The following RO60 variants were observed in gnomAD, a reference collection of about 807,000 sequenced individuals.
RO60 encodes the protein Ro60, Y RNA binding protein.
In RO60, 20 loss-of-function variants were observed where a neutral mutation model predicts 55.3. The ratio of observed to expected loss-of-function variants is 0.36; its 90% CI spans 0.25 to 0.53. The LOEUF (loss-of-function observed/expected upper bound fraction) is 0.53. Ranked by LOEUF, RO60 falls within the 20% of genes least tolerant of loss-of-function variation. RO60 has a pLI of 0.92. For synonymous variants in RO60, 213 were observed against 213.6 expected, an observed-to-expected ratio of 1.00 and a Z score of 0.02; for missense variants, 558 against 646.6, an observed-to-expected ratio of 0.86 and a Z score of 1.49.
rs770737374 is a variant in RO60, at chr1:193,076,999, T to C, written c.1035T>C (p.Pro345=). ...HGLRGKLKWR[P]DEEILKALDA... ...TCAGAGGGAAACTGAAGTGGCGCCC[T>C]GATGAAGAAATTTTGAAAGCATTGG... Residue 345 remains proline, a synonymous_variant, in exon 5 of 9, where the codon CCT becomes CCC. Coordinates refer to ENST00000400968, the MANE Select transcript of RO60 (RefSeq NM_001173524.2). The C allele has an allele frequency of 1.2e-6, 2 of 1,612,974 alleles. No homozygotes were observed. Among genetic ancestry groups the C allele is most frequent in the Non-Finnish European group, 8.5e-7 (1 of 1,179,334 alleles).
At position 193,087,996 on chromosome 1, in the gene RO60, C is replaced by G. The variant is rs887801506; in HGVS notation, c.*3265C>G. 1 of 151,764 alleles carries G rather than the reference C, an allele frequency of 6.6e-6. No homozygotes were observed. The highest frequency in any genetic ancestry group is 2.4e-5 in the African/African-American group (1 of 41,268). The allele number at this position is 151,764 out of a possible 1,614,324, so 9.4% of individuals were successfully genotyped here. ...ACAGACCTAGAAAAACAAGCTTATA[C>G]TCTGAGGAAATGCTGTTAACAAACT... On this transcript the variant is annotated 3_prime_UTR_variant, in exon 9 of 9. Coordinates refer to ENST00000400968, the MANE Select transcript of RO60 (RefSeq NM_001173524.2).
At position 193,076,973 on chromosome 1, in the gene RO60, C is replaced by T; in HGVS notation, c.1009C>T (p.Leu337Phe). ...AGAAACTTACAAGACAGGTCATGGT[C>T]TCAGAGGGAAACTGAAGTGGCGCCC... Reference protein sequence around the residue: ...ALETYKTGHGLRGKLKWRPDE... With the variant: ...ALETYKTGHGFRGKLKWRPDE... Residue 337 changes from leucine (L) to phenylalanine (F), a missense_variant, in exon 5 of 9, where the codon CTC becomes TTC. By Grantham distance (22) the Leu-to-Phe change is conservative. Transcript: ENST00000400968. 1 of 1,613,208 alleles carries T rather than the reference C, an allele frequency of 6.2e-7. No homozygotes were observed. The highest frequency in any genetic ancestry group is 8.5e-7 in the Non-Finnish European group (1 of 1,179,482).
chr1:193,091,641 T>C (rs763419824), downstream of RO60: 4 of 1,608,830 alleles, frequency 2.5e-6, no homozygotes, highest in East Asian at 9.0e-5. Context: ...ATCCTTTCTC[T>C]CCTTTCTAGC....
chr1:193,069,089 A>C lies in RO60; in HGVS notation c.35A>C (p.Asn12Thr). 6.2e-7 allele frequency: 1 copy of C among 1,613,416 alleles called. No homozygotes were observed. Among genetic ancestry groups the C allele is most frequent in the Non-Finnish European group, 8.5e-7 (1 of 1,179,460 alleles). Reference sequence around the variant, plus strand: ...TCTGTAAACCAAATGCAGCCACTGAATGAGAAGCAGATAGCCAATTCTCAG... The same window carrying C: ...TCTGTAAACCAAATGCAGCCACTGACTGAGAAGCAGATAGCCAATTCTCAG... ...EESVNQMQPL[N>T]EKQIANSQDG... Residue 12 changes from asparagine (N) to threonine (T), a missense_variant, in exon 2 of 9, where the codon AAT becomes ACT. Physicochemically the swap from Asn to Thr is moderately conservative, Grantham distance 65. Coordinates refer to ENST00000400968, the MANE Select transcript of RO60 (RefSeq NM_001173524.2).
At chr1:193,082,793 C>T in intron 8 of RO60, 85 bp downstream of exon 8, 1 of 1,183,468 alleles carries the variant, frequency 8.4e-7, no homozygotes, top group South Asian at 1.7e-5. Context: ...GAGACAGGAC[C>T]TCATTCTGTT....
In RO60 at chr1:193,069,616, C is replaced by A. The variant is rs368635813; in HGVS notation, c.562C>A (p.Leu188Ile). 3.7e-6 allele frequency: 6 copies of A among 1,609,382 alleles called. No homozygotes were observed. In the African/African-American group the frequency reaches 4.0e-5, roughly 11 times the overall value. Residue 188 changes from leucine to isoleucine, a missense_variant, in exon 2 of 9, where the codon CTT becomes ATT. By Grantham distance (5) the Leu-to-Ile change is conservative. Coordinates refer to ENST00000400968, the MANE Select transcript of RO60 (RefSeq NM_001173524.2). ...SHKDLLRLSH[L>I]KPSSEGLAIV... Reference sequence around the variant, plus strand: ...CAAAGATCTATTAAGATTGTCACATCTTAAACCTTCCAGTGAAGGTAAGCA... The same window carrying A: ...CAAAGATCTATTAAGATTGTCACATATTAAACCTTCCAGTGAAGGTAAGCA...
intron 8 of RO60, 151 bp from the exon 9 acceptor site, chr1:193,084,428 T>TA: frequency 1.2e-6 from 1 of 851,098 alleles, no homozygotes; most frequent in Non-Finnish European, 1.7e-6. Flanking sequence ...AAAACTCCCA[T>TA]ATTCTAGCCT....
intron 2 of RO60, among the ~76,000 whole-genome samples, chr1:193,070,855 A>T (rs1208809920): frequency 6.6e-6 from 1 of 152,226 alleles, no homozygotes; most frequent in Non-Finnish European, 1.5e-5. Flanking sequence ...AATTGCAAAT[A>T]TTTATATGTA....
intron 4 of RO60, 122 bp downstream of exon 4, chr1:193,076,769 A>C: frequency 7.5e-7 from 1 of 1,327,898 alleles, no homozygotes; most frequent in Non-Finnish European, 1.0e-6. Context: ...AAATTGCATT[A>C]TGGCTCTTAA....
At position 193,076,741 on chromosome 1, in the gene RO60, C is replaced by G. The variant is rs55884707; in HGVS notation, c.948+94C>G. ...CCGTCAGTGCATTTTTAAGGTATTT[C>G]GAGATGTTCATTATACCAAATTGCA... On this transcript the variant is annotated intron_variant, in intron 4 of 8. Transcript: ENST00000400968. 3.6e-6 allele frequency: 5 copies of G among 1,392,768 alleles called. No individual in the cohort carries two copies. The East Asian group carries it at 1.2e-4, about 32-fold the overall frequency. 86.3% of individuals were successfully genotyped at this position (1,392,768 alleles called of 1,614,324 possible). A position where few individuals can be genotyped will look rare whatever the true frequency, so the allele number is the denominator to read the frequency against.
At position 193,059,799 on chromosome 1, in the gene RO60, G is replaced by T; in HGVS notation, c.-22+23G>T. The T allele has an allele frequency of 1.5e-6, 2 of 1,356,342 alleles. No homozygotes were observed. The highest frequency in any genetic ancestry group is 2.0e-6 in the Non-Finnish European group (2 of 1,017,190). 84.0% of individuals were successfully genotyped at this position (1,356,342 alleles called of 1,614,324 possible). A position where few individuals can be genotyped will look rare whatever the true frequency, so the allele number is the denominator to read the frequency against. On this transcript the variant is annotated intron_variant, in intron 1 of 8. Transcript: ENST00000400968. This position sits in a 1 kb window ranked among gnomAD's most constrained non-coding sequence, Gnocchi z 4.9. ...CAGGTGAGGACATTGCGGGAGGCCG[G>T]CTGGGAGCCTTTTGTGCGGCCCCAG...
At chr1:193,081,174 A>AT (rs56240804) in intron 5 of RO60, among the ~76,000 whole-genome samples, 190 bp from the exon 6 acceptor site, 1,945 of 151,460 alleles carry the variant, frequency 0.013, 21 homozygotes, top group South Asian at 0.034. Context: ...TATTTTTATT[A>AT]TTTTTTTTTA....
At chr1:193,064,609 A>G (rs1672993034) in intron 1 of RO60, among the ~76,000 whole-genome samples, 2 of 152,226 alleles carry the variant, frequency 1.3e-5, no homozygotes, top group Admixed American at 1.3e-4. Context: ...ATAATCAAGT[A>G]GGAAGGTGCC....
At position 193,076,944 on chromosome 1, in the gene RO60, C is replaced by T; in HGVS notation, c.980C>T (p.Ala327Val). 1 of 1,612,328 alleles carries T rather than the reference C, an allele frequency of 6.2e-7. No individual in the cohort carries two copies. Among genetic ancestry groups the T allele is most frequent in the South Asian group, 1.1e-5 (1 of 90,838 alleles). Residue 327 changes from alanine to valine, a missense_variant, in exon 5 of 9, where the codon GCA (alanine) becomes GTA (valine). Ala to Val is a moderately conservative substitution (Grantham distance 64, BLOSUM62 0). Coordinates refer to ENST00000400968, the MANE Select transcript of RO60 (RefSeq NM_001173524.2). ...ARIHPFHILI[A>V]LETYKTGHGL... ...ATACATCCATTTCATATTTTGATCGCATTAGAAACTTACAAGACAGGTCAT... is the reference window on the plus strand; with the variant it reads ...ATACATCCATTTCATATTTTGATCGTATTAGAAACTTACAAGACAGGTCAT...
chr1:193,059,717 C>A lies in RO60; in HGVS notation c.-81C>A, dbSNP rs1252871165. On this transcript the variant is annotated 5_prime_UTR_variant, in exon 1 of 9. Transcript: ENST00000400968. This position sits in a 1 kb window ranked among gnomAD's most constrained non-coding sequence, Gnocchi z 4.9. The stretch of plus-strand genomic sequence containing the variant: ...GCTGCCTTCTTTTGTCGTTTCCCAG[C>A]GCTGCGCAGGACTTCTCCTGGCGGC... The A allele has an allele frequency of 1.0e-5, 14 of 1,353,186 alleles. No individual in the cohort carries two copies. Among genetic ancestry groups the A allele is most frequent in the Admixed American group, 4.0e-5 (2 of 49,702 alleles). The allele number at this position is 1,353,186 out of a possible 1,614,324, so 83.8% of individuals were successfully genotyped here.
intron 5 of RO60, 46 bp downstream of exon 5, chr1:193,077,096 T>C: frequency 6.6e-7 from 1 of 1,524,766 alleles, no homozygotes; most frequent in Non-Finnish European, 8.9e-7. Flanking sequence ...GAAGACTTAA[T>C]ATCTTTTGTA....
rs532637607 is a variant in RO60, at chr1:193,087,413, A to G, written c.*2682A>G. 2.0e-5 allele frequency: 3 copies of G among 152,314 alleles called. No homozygotes were observed. In the East Asian group the frequency reaches 5.8e-4, roughly 29 times the overall value. 9.4% of individuals were successfully genotyped at this position (152,314 alleles called of 1,614,324 possible). A position where few individuals can be genotyped will look rare whatever the true frequency, so the allele number is the denominator to read the frequency against. ...ATAGTTCCAGGATATAGTTGTAATT[A>G]GTAAAACAAAAACTAATCTTATAAT... On this transcript the variant is annotated 3_prime_UTR_variant, in exon 9 of 9. Coordinates refer to ENST00000400968, the MANE Select transcript of RO60 (RefSeq NM_001173524.2).
intron 5 of RO60, among the ~76,000 whole-genome samples, chr1:193,079,045 G>A (rs1346261761): frequency 7.3e-6 from 1 of 136,882 alleles, no homozygotes; most frequent in Non-Finnish European, 1.6e-5. Flanking sequence ...GAAATAGAAA[G>A]TCCAGAGATA....
intron 1 of RO60, among the ~76,000 whole-genome samples, chr1:193,066,106 T>C (rs368376623): frequency 6.6e-6 from 1 of 152,320 alleles, no homozygotes; most frequent in African/African-American, 2.4e-5. Context: ...TATCTTTACC[T>C]ATACTCTTTA....
Sources: allele counts gnomAD v4.1 joint callset (sites outside exome capture counted in the v4.1 genomes callset), GRCh38; gene constraint gnomAD v4.1.1; non-coding constraint Gnocchi (gnomAD v3.1); transcripts MANE v1.5; gene names NCBI Gene and HGNC (gene_info 2026-07-23, HGNC 2026-07-21).